CDK17: variants seen among roughly 807,000 people sequenced by gnomAD.
CDK17 encodes the protein cyclin-dependent kinase 17.
In CDK17, 24 loss-of-function variants were observed where a neutral mutation model predicts 77.6. The observed-to-expected ratio is 0.31, with a 90% confidence interval of 0.22 to 0.44. The LOEUF is 0.44. CDK17 is among the 20% of genes least tolerant of loss of function. The probability of loss-of-function intolerance (pLI) is 1.00; values close to 1 mark genes in which losing one functional copy is unlikely to be tolerated. For missense variants in CDK17, 429 were observed against 622.5 expected, an observed-to-expected ratio of 0.69 and a Z score of 3.31; for synonymous variants, 203 against 210.4, an observed-to-expected ratio of 0.96 and a Z score of 0.30.
chr12:96,297,802 T>A, intron 7 of CDK17, 81 bp from the exon 8 acceptor site: 1 of 749,290 alleles, frequency 1.3e-6, no homozygotes, highest in Non-Finnish European at 2.3e-6. Flanking sequence ...ACGAACTGAT[T>A]AAAAGATTCT....
At chr12:96,290,844 A>G (rs917296238) in intron 10 of CDK17, among the ~76,000 whole-genome samples, 1 of 152,234 alleles carries the variant, frequency 6.6e-6, no homozygotes, top group African/African-American at 2.4e-5. Context: ...GTTTGTGTAC[A>G]TGGCCTTCTA....
At chr12:96,368,813 G>A (rs949365003) in intron 1 of CDK17, among the ~76,000 whole-genome samples, 2,817 of 62,070 alleles carry the variant, frequency 0.045, 675 homozygotes, top group African/African-American at 0.19. Flanking sequence ...AGACGGGGGG[G>A]GGGGGGGGGG....
chr12:96,315,862 G>A (rs1035302197), intron 3 of CDK17, among the ~76,000 whole-genome samples: 1 of 152,042 alleles, frequency 6.6e-6, no homozygotes, highest in South Asian at 2.1e-4. Flanking sequence ...TGAGTTACAA[G>A]TGAGACCTTC....
chr12:96,280,187 A>G lies in CDK17; in HGVS notation c.*55T>C, dbSNP rs375578169. ...AAAGAAATAATTGCCTTCAGTTCTG[A>G]GTCCTTGATTGGTAAGAAAGGCTGG... On this transcript the variant is annotated 3_prime_UTR_variant, in exon 17 of 17. Transcript: ENST00000261211. 257 of 1,527,734 alleles carry G rather than the reference A, an allele frequency of 1.7e-4. No individual in the cohort carries two copies. Among genetic ancestry groups the G allele is most frequent in the Non-Finnish European group, 2.2e-4 (251 of 1,130,502 alleles). The allele number at this position is 1,527,734 out of a possible 1,614,324, so 94.6% of individuals were successfully genotyped here.
intron 2 of CDK17, among the ~76,000 whole-genome samples, chr12:96,331,511 C>CCA (rs1323321258): frequency 6.6e-6 from 1 of 151,836 alleles, no homozygotes; most frequent in Non-Finnish European, 1.5e-5. Flanking sequence ...ATTCATCATT[C>CCA]CTTGGGTTCA....
chr12:96,368,002 A>G (rs1953616045), intron 1 of CDK17, among the ~76,000 whole-genome samples: 1 of 152,192 alleles, frequency 6.6e-6, no homozygotes, highest in African/African-American at 2.4e-5. Context: ...AAGAAATGTC[A>G]CACTGCAGTA....
At chr12:96,299,507 C>G (rs921973447) in intron 6 of CDK17, among the ~76,000 whole-genome samples, 4 of 150,538 alleles carry the variant, frequency 2.7e-5, no homozygotes, top group Admixed American at 2.6e-4. Flanking sequence ...TCTCCTGACT[C>G]AGCCTCCCGA....
At position 96,366,606 on chromosome 12, in the gene CDK17, G is replaced by A. The variant is rs577455849; in HGVS notation, c.-29-31741C>T. Among the ~76,000 whole-genome samples, 38 of 152,268 alleles carry A rather than the reference G, an allele frequency of 2.5e-4. No individual in the cohort carries two copies. The South Asian group carries it at 5.4e-3, about 22-fold the overall frequency. ...TACCTCATGCTTGTTTAAATTGTTT[G>A]ACTAAGGCTAACACCCACAGTTTGA... On this transcript the variant is annotated intron_variant, in intron 1 of 16. Coordinates refer to ENST00000261211, the MANE Select transcript of CDK17 (RefSeq NM_002595.5).
At position 96,366,274 on chromosome 12, in the gene CDK17, A is replaced by T. The variant is rs187538331; in HGVS notation, c.-29-31409T>A. ...ACATTCCACCAGAGAACTAGGCTAC[A>T]TCCATTTATTGTATGAACACAGATG... is the stretch of plus-strand genomic sequence containing the variant. On this transcript the variant is annotated intron_variant, in intron 1 of 16. Coordinates refer to ENST00000261211, the MANE Select transcript of CDK17 (RefSeq NM_002595.5). Among the ~76,000 whole-genome samples the T allele has an allele frequency of 4.6e-5, 7 of 152,344 alleles. No individual in the cohort carries two copies. In the East Asian group the frequency reaches 1.3e-3, roughly 29 times the overall value.
intron 1 of CDK17, among the ~76,000 whole-genome samples, chr12:96,344,469 T>C (rs956563946): frequency 2.6e-5 from 4 of 152,176 alleles, no homozygotes; most frequent in Non-Finnish European, 5.9e-5. Context: ...ACTAGACATA[T>C]ACATGGGCTC....
chr12:96,356,847 T>A (rs1953401524), intron 1 of CDK17, among the ~76,000 whole-genome samples: 1 of 152,252 alleles, frequency 6.6e-6, no homozygotes, highest in African/African-American at 2.4e-5. Context: ...TTAAACATAT[T>A]TTTGTATACA....
chr12:96,319,104 T>TTA (rs1449425979), intron 3 of CDK17, among the ~76,000 whole-genome samples: 2 of 145,260 alleles, frequency 1.4e-5, no homozygotes, highest in African/African-American at 5.1e-5. Context: ...CAATAAAAAA[T>TTA]GATAAAGGGG....
At chr12:96,377,996 A>C (rs557880128) in intron 1 of CDK17, among the ~76,000 whole-genome samples, 19 of 152,264 alleles carry the variant, frequency 1.2e-4, no homozygotes, top group Middle Eastern at 3.4e-3. Context: ...CCCGGCCCAG[A>C]AGCAGTTTTT....
chr12:96,383,745 C>T (rs1953925222), intron 1 of CDK17, among the ~76,000 whole-genome samples: 1 of 152,078 alleles, frequency 6.6e-6, no homozygotes, highest in Non-Finnish European at 1.5e-5. Flanking sequence ...AAAGTGGGCC[C>T]CTACTTTTTG....
chr12:96,397,871 G>C (rs1284564939), intron 1 of CDK17, among the ~76,000 whole-genome samples: 1 of 152,174 alleles, frequency 6.6e-6, no homozygotes, highest in African/African-American at 2.4e-5. Flanking sequence ...AAGTGGTGGA[G>C]TAGGGTAAGG....
chr12:96,286,818 A>C, intron 11 of CDK17, 57 bp from the exon 12 acceptor site: 1 of 1,430,016 alleles, frequency 7.0e-7, no homozygotes, highest in Non-Finnish European at 9.8e-7. Context: ...ATGAAGCACA[A>C]GAATCTTTTC....
intron 5 of CDK17, among the ~76,000 whole-genome samples, chr12:96,307,695 AC>A (rs1426004128): frequency 6.6e-6 from 1 of 151,926 alleles, no homozygotes; most frequent in Non-Finnish European, 1.5e-5. Context: ...ACACGGCAAA[AC>A]CCCATCTCTA....
intron 1 of CDK17, among the ~76,000 whole-genome samples, chr12:96,382,680 TTCCTGGGGTGCAAGGTTG>T (rs1953903180): frequency 6.6e-6 from 1 of 152,198 alleles, no homozygotes; most frequent in Non-Finnish European, 1.5e-5. Flanking sequence ...GTAAGCTTTG[TTCCTGGGGTGCAAGGTTG>T]CTTCAACACA....
chr12:96,379,894 C>T lies in CDK17; in HGVS notation c.-30+20092G>A, dbSNP rs191008957. 1.2e-3 allele frequency among the ~76,000 whole-genome samples: 177 copies of T among 152,164 alleles called. 2 individuals carry two copies. Among genetic ancestry groups the T allele is most frequent in the African/African-American group, 3.3e-3 (139 of 41,520 alleles). On this transcript the variant is annotated intron_variant, in intron 1 of 16. Transcript: ENST00000261211. ...AGACAGTAAAACAATTCTCCCTGGG[C>T]GCTGTAGCTAACATCTTTAATCCCA...
Sources: gnomAD v4.1 joint callset for allele counts (sites outside exome capture counted in the v4.1 genomes callset) on GRCh38, gnomAD v4.1.1 for gene constraint, MANE v1.5 for transcripts, NCBI Gene and HGNC (gene_info 2026-07-23, HGNC 2026-07-21) for gene names.